The following REEP1 variants were observed in gnomAD, a reference collection of about 807,000 sequenced individuals.
REEP1 encodes receptor accessory protein 1, also known as receptor expression-enhancing protein 1.
REEP1 carries 22 observed loss-of-function variants against 40.3 expected under a neutral mutation model. The observed-to-expected ratio is 0.55, with a 90% CI of 0.39 to 0.78. The LOEUF (loss-of-function observed/expected upper bound fraction) is 0.78, where lower values mean the gene tolerates loss of function less well. Ranked by LOEUF, REEP1 falls within the 30% of genes least tolerant of loss-of-function variation. The pLI is 0.00. For missense variants in REEP1, 280 were observed against 361.1 expected (o/e 0.78, Z 1.82); for synonymous variants, 116 against 139.2 (o/e 0.83, Z 1.17).
intron 1 of REEP1, among the ~76,000 whole-genome samples, chr2:86,288,491 T>C (rs1313945255): frequency 6.6e-6 from 1 of 152,220 alleles, no homozygotes; most frequent in Non-Finnish European, 1.5e-5. Context: ...TGTACCACTT[T>C]ACTATATGAA....
chr2:86,272,822 G>C (rs1677529549), intron 2 of REEP1, among the ~76,000 whole-genome samples: 1 of 152,066 alleles, frequency 6.6e-6, no homozygotes, highest in South Asian at 2.1e-4. Context: ...CCAAATTCCA[G>C]CCAAAATGAT....
chr2:86,260,614 G>A (rs529047454), intron 3 of REEP1, among the ~76,000 whole-genome samples: 3 of 152,348 alleles, frequency 2.0e-5, no homozygotes, highest in Admixed American at 1.3e-4. Context: ...CAGACACAGA[G>A]TCAAAGCATG....
intron 2 of REEP1, among the ~76,000 whole-genome samples, chr2:86,276,591 C>T (rs1163002467): frequency 1.4e-4 from 22 of 152,192 alleles, no homozygotes; most frequent in Non-Finnish European, 2.9e-5. Context: ...GTTCCGAAAG[C>T]AACCAAGGTG....
intron 1 of REEP1, among the ~76,000 whole-genome samples, chr2:86,296,914 C>A (rs908168184): frequency 1.3e-5 from 2 of 152,202 alleles, no homozygotes; most frequent in African/African-American, 4.8e-5. Context: ...AAGCCTCATG[C>A]AAATTGTAAC....
intron 2 of REEP1, among the ~76,000 whole-genome samples, chr2:86,272,255 C>G (rs1300128416): frequency 1.3e-5 from 2 of 152,170 alleles, no homozygotes; most frequent in African/African-American, 4.8e-5. Context: ...TTCCTTGATG[C>G]AACCCTTAGC....
intron 7 of REEP1, among the ~76,000 whole-genome samples, chr2:86,222,944 G>A (rs1393229115): frequency 6.6e-6 from 1 of 152,172 alleles, no homozygotes; most frequent in Non-Finnish European, 1.5e-5. Flanking sequence ...GACCCAACAG[G>A]TCCTTACCCC....
chr2:86,278,276 T>C (rs775772535), intron 2 of REEP1, among the ~76,000 whole-genome samples: 5 of 152,206 alleles, frequency 3.3e-5, no homozygotes, highest in Non-Finnish European at 5.9e-5. Flanking sequence ...TAAGTAATTA[T>C]ATTTTAATTC....
chr2:86,261,421 T>C (rs995111154), intron 3 of REEP1, among the ~76,000 whole-genome samples: 1 of 152,222 alleles, frequency 6.6e-6, no homozygotes, highest in African/African-American at 2.4e-5. Context: ...TGTTAATCTA[T>C]AACCTTACCC....
At chr2:86,263,390 C>T (rs895592857) in intron 3 of REEP1, among the ~76,000 whole-genome samples, 4 of 151,876 alleles carry the variant, frequency 2.6e-5, no homozygotes, top group South Asian at 2.1e-4. Flanking sequence ...CCACCATGCC[C>T]GGCTAATTAT....
chr2:86,257,541 G>A (rs548055937), intron 3 of REEP1, among the ~76,000 whole-genome samples: 1 of 151,888 alleles, frequency 6.6e-6, no homozygotes, highest in South Asian at 2.1e-4. Flanking sequence ...CTATACACCC[G>A]TTACTACATC....
intron 6 of REEP1, among the ~76,000 whole-genome samples, chr2:86,229,359 G>A (rs1674886808): frequency 6.6e-6 from 1 of 152,194 alleles, no homozygotes; most frequent in Non-Finnish European, 1.5e-5. Context: ...CAGCCAGGAT[G>A]AAGTCTAGCC....
chr2:86,264,162 T>C, intron 2 of REEP1, 121 bp from the exon 3 acceptor site: 1 of 756,240 alleles, frequency 1.3e-6, no homozygotes, highest in East Asian at 2.6e-5. Context: ...CAGCCTGCAT[T>C]TGTAGCCTTC....
chr2:86,282,181 T>C lies in REEP1; in HGVS notation c.94A>G (p.Ile32Val), dbSNP rs745678615. The change falls in exon 2 of 9, where the codon ATT becomes GTT. Residue 32 changes from isoleucine (I) to valine (V), a missense_variant. Ile to Val is a conservative substitution (Grantham distance 29). Around this residue, in one of 3 missense-constraint regions of REEP1, gnomAD observed 68 missense variants for 83.7 expected, o/e 0.81. Transcript: ENST00000538924. ...YSYKAVKSKD[I>V]KEYVKWMMYW... is the part of the protein sequence containing the mutation. Reference sequence around the variant, plus strand: ...ACAGTGCTACTTACATATTCCTTAATGTCCTTTGATTTCACAGCCTTGTAG... The same window carrying C: ...ACAGTGCTACTTACATATTCCTTAACGTCCTTTGATTTCACAGCCTTGTAG... The C allele has an allele frequency of 6.2e-6, 10 of 1,608,880 alleles. No homozygotes were observed. Among genetic ancestry groups the C allele is most frequent in the South Asian group, 3.3e-5 (3 of 90,976 alleles).
intron 2 of REEP1, among the ~76,000 whole-genome samples, chr2:86,269,861 C>T (rs1473464603): frequency 2.6e-5 from 4 of 151,404 alleles, no homozygotes; most frequent in Admixed American, 6.6e-5. Flanking sequence ...ACTCTTAAAA[C>T]TCAACAATAA....
At chr2:86,317,152 C>T (rs373842723) in intron 1 of REEP1, among the ~76,000 whole-genome samples, 4 of 152,230 alleles carry the variant, frequency 2.6e-5, no homozygotes, top group East Asian at 1.9e-4. Flanking sequence ...GAACACTCTC[C>T]ACACAGCCGA....
At chr2:86,244,338 G>A (rs996836163) in intron 5 of REEP1, among the ~76,000 whole-genome samples, 36 of 151,942 alleles carry the variant, frequency 2.4e-4, no homozygotes, top group African/African-American at 8.7e-4. Flanking sequence ...TGTGCTGACT[G>A]TTTTGTAGAT....
chr2:86,222,960 A>G (rs1674504346), intron 7 of REEP1, among the ~76,000 whole-genome samples: 1 of 151,260 alleles, frequency 6.6e-6, no homozygotes, highest in African/African-American at 2.4e-5. Context: ...ACCCCTGGCA[A>G]CAGGCCTGAA....
chr2:86,303,853 A>C (rs577827707), intron 1 of REEP1, among the ~76,000 whole-genome samples: 1 of 152,290 alleles, frequency 6.6e-6, no homozygotes, highest in African/African-American at 2.4e-5. Context: ...CAAATGGCTC[A>C]GTGCAGCTGG....
At chr2:86,321,158 A>C (rs72926420) in intron 1 of REEP1, among the ~76,000 whole-genome samples, 5,001 of 152,296 alleles carry the variant, frequency 0.033, 294 homozygotes, top group African/African-American at 0.11. Flanking sequence ...GGAACATCTA[A>C]CACATGTCTA....
Sources: allele counts gnomAD v4.1 joint callset (sites outside exome capture counted in the v4.1 genomes callset), GRCh38; gene constraint gnomAD v4.1.1; regional missense constraint gnomAD v4.1.1; transcripts MANE v1.5; gene names NCBI Gene and HGNC (gene_info 2026-07-23, HGNC 2026-07-21).